Variants in ZCCHC7 observed in about 807,000 individuals in gnomAD.
ZCCHC7 encodes the protein zinc finger CCHC-type containing 7.
A neutral mutation model predicts 52.0 loss-of-function variants in ZCCHC7; 35 were observed. That is an observed-to-expected ratio of 0.67 (90% CI 0.51 to 0.89). The LOEUF (loss-of-function observed/expected upper bound fraction) is 0.89, where lower values mean the gene tolerates loss of function less well. Among genes scored for constraint, ZCCHC7 ranks in the 40% least tolerant of loss-of-function variants. The pLI is 0.00. For missense variants in ZCCHC7, 574 were observed against 649.1 expected (o/e 0.88, Z 1.26); for synonymous variants, 217 against 221.5 (o/e 0.98, Z 0.18).
At position 37,357,172 on chromosome 9, in the gene ZCCHC7, A is replaced by G. The variant is rs2118732054; in HGVS notation, c.1536A>G (p.Glu512=). Residue 512 remains glutamate (E), a synonymous_variant, in exon 9 of 9, where the codon GAA becomes GAG. Transcript: ENST00000336755. ...CAAGAGAAGACAAGTCTCCCAAGGAAGGCAAGAGGGGCAAGCAGAAGAAAA... is the reference window on the plus strand; with the variant it reads ...CAAGAGAAGACAAGTCTCCCAAGGAGGGCAAGAGGGGCAAGCAGAAGAAAA... ...HTSREDKSPK[E]GKRGKQKKKE... 1 of 1,613,596 alleles carries G rather than the reference A, an allele frequency of 6.2e-7. No homozygotes were observed. The highest frequency in any genetic ancestry group is 8.5e-7 in the Non-Finnish European group (1 of 1,179,904).
chr9:37,221,930 AAAAGATTCAT>A (rs1469094716), intron 2 of ZCCHC7, among the ~76,000 whole-genome samples: 1 of 152,168 alleles, frequency 6.6e-6, no homozygotes, highest in Non-Finnish European at 1.5e-5. Context: ...TAGGTTCTAT[AAAAGATTCAT>A]AAAGATTCAT....
intron 2 of ZCCHC7, among the ~76,000 whole-genome samples, chr9:37,244,390 A>C (rs1825998290): frequency 6.6e-6 from 1 of 151,910 alleles, no homozygotes; most frequent in Non-Finnish European, 1.5e-5. Flanking sequence ...TTTTAGGCAG[A>C]ATGGTTTTTA....
intron 2 of ZCCHC7, among the ~76,000 whole-genome samples, chr9:37,189,936 G>A (rs2133098425): frequency 6.6e-6 from 1 of 152,282 alleles, no homozygotes; most frequent in South Asian, 2.1e-4. Context: ...TAGTTTGGAA[G>A]GGTGAGCACA....
At chr9:37,216,718 G>A (rs991219067) in intron 2 of ZCCHC7, among the ~76,000 whole-genome samples, 3 of 152,044 alleles carry the variant, frequency 2.0e-5, no homozygotes, top group Non-Finnish European at 2.9e-5. Flanking sequence ...CTTATAGGGA[G>A]AGCATTATCT....
intron 2 of ZCCHC7, among the ~76,000 whole-genome samples, chr9:37,130,744 C>T (rs529081247): frequency 6.6e-6 from 1 of 151,664 alleles, no homozygotes; most frequent in Non-Finnish European, 1.5e-5. Flanking sequence ...GATCCGCCTG[C>T]CTCGGCCTCC....
intron 2 of ZCCHC7, among the ~76,000 whole-genome samples, chr9:37,204,729 G>GT (rs142814815): frequency 0.038 from 5,721 of 152,274 alleles, 242 homozygotes; most frequent in African/African-American, 0.1. Flanking sequence ...ATAGTTTGAA[G>GT]TTAGGTAGCA....
Position 37,164,501 on chromosome 9 carries a change from A to G in ZCCHC7, c.610+37559A>G, listed in dbSNP as rs545837798. 6.0e-5 allele frequency among the ~76,000 whole-genome samples: 9 copies of G among 149,370 alleles called. No individual in the cohort carries two copies. The South Asian group carries it at 2.0e-3, about 33-fold the overall frequency. The stretch of plus-strand genomic sequence containing the variant: ...GATAGATAGATAGATAGATAGATAG[A>G]CAGACAAGATAGATAGACTCTGTCT... On this transcript the variant is annotated intron_variant, in intron 2 of 8. Transcript: ENST00000336755.
intron 2 of ZCCHC7, among the ~76,000 whole-genome samples, chr9:37,190,910 T>C (rs570303009): frequency 5.3e-5 from 8 of 151,894 alleles, no homozygotes; most frequent in East Asian, 1.9e-4. Context: ...TAATCCCAGC[T>C]ACTTGGGTGG....
At chr9:37,322,072 G>A (rs1042660358) in intron 5 of ZCCHC7, among the ~76,000 whole-genome samples, 8 of 152,130 alleles carry the variant, frequency 5.3e-5, no homozygotes. Flanking sequence ...ATATCTGAGT[G>A]AGCTGAAAGT....
intron 5 of ZCCHC7, chr9:37,327,429 A>T (rs561872295): frequency 5.3e-6 from 1 of 189,992 alleles, no homozygotes; most frequent in African/African-American, 2.3e-5. Context: ...TCTTACTACC[A>T]AAGTTCAAAA....
chr9:37,199,551 T>C (rs1280997137), intron 2 of ZCCHC7, among the ~76,000 whole-genome samples: 1 of 152,058 alleles, frequency 6.6e-6, no homozygotes, highest in Non-Finnish European at 1.5e-5. Flanking sequence ...CAGGCTGGTC[T>C]CGAACTCCTG....
intron 2 of ZCCHC7, among the ~76,000 whole-genome samples, chr9:37,223,178 T>C (rs1824917057): frequency 6.6e-6 from 1 of 152,086 alleles, no homozygotes; most frequent in Admixed American, 6.6e-5. Context: ...TTAAATGTAA[T>C]AGATACTTGT....
At chr9:37,274,338 T>C (rs1462947381) in intron 2 of ZCCHC7, among the ~76,000 whole-genome samples, 1 of 135,276 alleles carries the variant, frequency 7.4e-6, no homozygotes, top group Non-Finnish European at 1.6e-5. Context: ...TTTCTTTTTT[T>C]TTTTTTTTTT....
chr9:37,303,455 G>T (rs2133701732), intron 3 of ZCCHC7, among the ~76,000 whole-genome samples: 1 of 150,710 alleles, frequency 6.6e-6, no homozygotes, highest in East Asian at 2.0e-4. Context: ...AAGAAAAGAA[G>T]TCAGCAGTGG....
At chr9:37,306,715 G>C (rs1295434199) in intron 5 of ZCCHC7, among the ~76,000 whole-genome samples, 1 of 132,392 alleles carries the variant, frequency 7.6e-6, no homozygotes, top group South Asian at 2.5e-4. Flanking sequence ...CGCCCGCCTC[G>C]GCCTCCCAAA....
At chr9:37,225,481 G>A (rs1020865203) in intron 2 of ZCCHC7, among the ~76,000 whole-genome samples, 5 of 152,038 alleles carry the variant, frequency 3.3e-5, no homozygotes, top group Non-Finnish European at 7.4e-5. Flanking sequence ...ACCCAGGCAA[G>A]ATACTACCAG....
intron 6 of ZCCHC7, among the ~76,000 whole-genome samples, chr9:37,340,285 T>C (rs776970529): frequency 1.3e-5 from 2 of 152,026 alleles, no homozygotes; most frequent in African/African-American, 2.4e-5. Context: ...TCAGCAAGAA[T>C]AGCAGATGGG....
chr9:37,148,950 C>T (rs181220823), intron 2 of ZCCHC7, among the ~76,000 whole-genome samples: 1 of 152,132 alleles, frequency 6.6e-6, no homozygotes, highest in East Asian at 1.9e-4. Flanking sequence ...GCTGAATGGG[C>T]ACAGTTTGTT....
At chr9:37,187,579 CT>C (rs966120104) in intron 2 of ZCCHC7, among the ~76,000 whole-genome samples, 2 of 152,112 alleles carry the variant, frequency 1.3e-5, no homozygotes, top group African/African-American at 2.4e-5. Flanking sequence ...CAGGTAGGTA[CT>C]TTTAAGCTGT....
Sources: allele counts gnomAD v4.1 joint callset (sites outside exome capture counted in the v4.1 genomes callset), GRCh38; gene constraint gnomAD v4.1.1; transcripts MANE v1.5; gene names NCBI Gene and HGNC (gene_info 2026-07-23, HGNC 2026-07-21).